SREBF2: variants seen among roughly 807,000 people sequenced by gnomAD.
SREBF2 encodes sterol regulatory element-binding protein 2.
In SREBF2, 55 loss-of-function variants were observed where a neutral mutation model predicts 113.1. The observed-to-expected ratio is 0.49, with a 90% CI of 0.39 to 0.61. SREBF2 has a LOEUF of 0.61. SREBF2 is among the 20% of genes least tolerant of loss of function. The pLI is 0.00. For synonymous variants in SREBF2, 593 were observed against 605.7 expected (o/e 0.98, Z 0.31); for missense variants, 1,349 against 1,487.4 (o/e 0.91, Z 1.53).
intron 1 of SREBF2, among the ~76,000 whole-genome samples, chr22:41,858,979 T>TAAAAATACAAAATTAGCC (rs1262900536): frequency 2.0e-5 from 3 of 151,848 alleles, no homozygotes; most frequent in Non-Finnish European, 4.4e-5. Context: ...CCGTCTCTAC[T>TAAAAATACAAAATTAGCC]GGGCGTGGTG....
chr22:41,873,399 A>G (rs2077164437), intron 4 of SREBF2, among the ~76,000 whole-genome samples: 1 of 152,128 alleles, frequency 6.6e-6, no homozygotes, highest in Non-Finnish European at 1.5e-5. Flanking sequence ...GTCATTTGAG[A>G]GGAAAAAATG....
intron 10 of SREBF2, among the ~76,000 whole-genome samples, chr22:41,882,971 G>A (rs990976945): frequency 2.0e-5 from 3 of 152,210 alleles, no homozygotes; most frequent in African/African-American, 7.2e-5. Context: ...GCTGGTTTTT[G>A]TGGTGTGTGT....
chr22:41,878,152 C>T, intron 9 of SREBF2, 29 bp downstream of exon 9: 2 of 1,612,610 alleles, frequency 1.2e-6, no homozygotes, highest in South Asian at 1.1e-5. Context: ...CTTCCCCATC[C>T]TCCCCCAGAC....
In SREBF2 at chr22:41,905,646, A is replaced by G; in HGVS notation, c.3412A>G (p.Ile1138Val). Residue 1138 changes from isoleucine (I) to valine (V), a missense_variant, in exon 19 of 19, where the codon ATT becomes GTT. By Grantham distance (29) the Ile-to-Val change is conservative. This residue lies in a region of SREBF2 where 650 missense variants were observed against 644.1 expected (regional missense o/e 1.01). Coordinates refer to ENST00000361204, the MANE Select transcript of SREBF2 (RefSeq NM_004599.4). ...MIVKLGGGTA[I>V]AAS ...TGTTAAGCTGGGTGGTGGCACTGCCATTGCCGCCTCCTGACCACCAGGCTC... is the reference window on the plus strand; with the variant it reads ...TGTTAAGCTGGGTGGTGGCACTGCCGTTGCCGCCTCCTGACCACCAGGCTC... The G allele has an allele frequency of 6.3e-7, 1 of 1,585,374 alleles. No homozygotes were observed. Among genetic ancestry groups the G allele is most frequent in the South Asian group, 1.2e-5 (1 of 86,844 alleles).
At position 41,864,261 on chromosome 22, in the gene SREBF2, T is replaced by TAC. The variant is rs1158750306; in HGVS notation, c.89-2548_89-2547dup. On this transcript the variant is annotated intron_variant, in intron 1 of 18. Coordinates refer to ENST00000361204, the MANE Select transcript of SREBF2 (RefSeq NM_004599.4). ...ATATATATATATATATATATATATATACACACACACACACACACACACAAA... is the reference window on the plus strand; with the variant it reads ...ATATATATATATATATATATATATATACACACACACACACACACACACACAAA... 8.1e-3 allele frequency among the ~76,000 whole-genome samples: 415 copies of TAC among 50,930 alleles called. 7 individuals carry two copies. Among genetic ancestry groups the TAC allele is most frequent in the South Asian group, 0.015 (18 of 1,208 alleles). The allele number at this position is 50,930 out of a possible 152,430, so 33.4% of individuals were successfully genotyped here. A position where few individuals can be genotyped will look rare whatever the true frequency, so the allele number is the denominator to read the frequency against.
intron 12 of SREBF2, among the ~76,000 whole-genome samples, chr22:41,894,309 C>G (rs2077390978): frequency 6.6e-6 from 1 of 152,180 alleles, no homozygotes; most frequent in Non-Finnish European, 1.5e-5. Flanking sequence ...GTCAGCTATC[C>G]AAGCATTGCA....
At chr22:41,857,126 CAAAG>C (rs911900149) in intron 1 of SREBF2, among the ~76,000 whole-genome samples, 6 of 151,656 alleles carry the variant, frequency 4.0e-5, no homozygotes, top group African/African-American at 1.5e-4. Context: ...ACAAGATACT[CAAAG>C]AAGATGTTCG....
chr22:41,847,492 C>T (rs1200048301), intron 1 of SREBF2, among the ~76,000 whole-genome samples: 1 of 152,188 alleles, frequency 6.6e-6, no homozygotes, highest in African/African-American at 2.4e-5. Context: ...TCTGTCTGAG[C>T]TTGGGGCATT....
chr22:41,842,614 C>T (rs1424675597), intron 1 of SREBF2, among the ~76,000 whole-genome samples: 2 of 152,154 alleles, frequency 1.3e-5, no homozygotes, highest in Non-Finnish European at 2.9e-5. Context: ...GAGGCAGGAG[C>T]GGTTACCAGA....
rs761888547 is a variant in SREBF2 at position 41,867,064 on chromosome 22, C to G, written c.322C>G (p.Gln108Glu). 30 of 1,614,076 alleles carry G rather than the reference C, an allele frequency of 1.9e-5. No homozygotes were observed. The highest frequency in any genetic ancestry group is 1.8e-4 in the Admixed American group (11 of 60,000). The change falls in exon 2 of 19, where the codon CAG (glutamine) becomes GAG (glutamate). Residue 108 changes from glutamine (Q) to glutamate (E), a missense_variant. Coordinates refer to ENST00000361204, the MANE Select transcript of SREBF2 (RefSeq NM_004599.4). ...PSFSPSAASP[Q>E]APTLQVKVSP... ...CTTCTCTCCCTCGGCGGCCTCCCCACAGGCTCCAACTCTGCAAGTCAAGGT... is the reference window on the plus strand; with the variant it reads ...CTTCTCTCCCTCGGCGGCCTCCCCAGAGGCTCCAACTCTGCAAGTCAAGGT...
chr22:41,895,624 T>G (rs954941968), intron 13 of SREBF2, among the ~76,000 whole-genome samples: 1 of 151,216 alleles, frequency 6.6e-6, no homozygotes, highest in Non-Finnish European at 1.5e-5. Flanking sequence ...TTAGTAGAGA[T>G]GAGGTTTCAC....
At chr22:41,866,200 G>A (rs1399573855) in intron 1 of SREBF2, among the ~76,000 whole-genome samples, 4 of 152,148 alleles carry the variant, frequency 2.6e-5, no homozygotes, top group East Asian at 3.9e-4. Flanking sequence ...TGGTACCTTC[G>A]ACAGAACAGC....
At chr22:41,878,815 T>A in intron 9 of SREBF2, 2 of 1,132,944 alleles carry the variant, frequency 1.8e-6, no homozygotes, top group Non-Finnish European at 2.4e-6. Flanking sequence ...TTAGTGAGAA[T>A]CTGATTGGCC....
intron 16 of SREBF2, 149 bp from the exon 17 acceptor site, chr22:41,902,821 T>G (rs1176393612): frequency 3.5e-6 from 3 of 864,908 alleles, no homozygotes; most frequent in Non-Finnish European, 5.7e-6. Flanking sequence ...TTCCCTCACG[T>G]CCTGCGGAGT....
intron 1 of SREBF2, among the ~76,000 whole-genome samples, chr22:41,841,786 C>T (rs1033708716): frequency 2.6e-5 from 4 of 152,208 alleles, no homozygotes; most frequent in Non-Finnish European, 4.4e-5. Flanking sequence ...TGCTTATCTG[C>T]GTACATATCA....
chr22:41,868,960 A>G (rs747764160), intron 3 of SREBF2, among the ~76,000 whole-genome samples, 168 bp downstream of exon 3: 2 of 152,248 alleles, frequency 1.3e-5, no homozygotes, highest in African/African-American at 4.8e-5. Flanking sequence ...GGCTGAGTCC[A>G]TATCTGTAGA....
At chr22:41,834,688 C>T (rs1218960302) in intron 1 of SREBF2, 1 of 152,258 alleles carries the variant, frequency 6.6e-6, no homozygotes, top group Non-Finnish European at 1.5e-5. Flanking sequence ...CTTGGTTTGT[C>T]CTTGATTTCC....
At chr22:41,858,850 A>G (rs1321322405) in intron 1 of SREBF2, among the ~76,000 whole-genome samples, 1 of 152,176 alleles carries the variant, frequency 6.6e-6, no homozygotes, top group African/African-American at 2.4e-5. Context: ...TTTTTTAAAA[A>G]AGATAGGGAC....
chr22:41,890,791 C>G (rs2077353372), intron 11 of SREBF2, among the ~76,000 whole-genome samples: 1 of 151,524 alleles, frequency 6.6e-6, no homozygotes, highest in East Asian at 1.9e-4. Context: ...GCCTATAATC[C>G]CAGCTACTTG....
Sources: gnomAD v4.1 joint callset for allele counts (sites outside exome capture counted in the v4.1 genomes callset) on GRCh38, gnomAD v4.1.1 for gene constraint, gnomAD v4.1.1 regional missense constraint, MANE v1.5 for transcripts, NCBI Gene and HGNC (gene_info 2026-07-23, HGNC 2026-07-21) for gene names.